The following MAP6 variants were observed in gnomAD, a reference collection of about 807,000 sequenced individuals.
MAP6 encodes microtubule associated protein 6.
A neutral mutation model predicts 42.4 loss-of-function variants in MAP6; 26 were observed. The observed-to-expected ratio is 0.61, with a 90% CI of 0.45 to 0.85. The LOEUF is 0.85. MAP6 is among the 40% of genes least tolerant of loss of function. The pLI is 0.00. For missense variants in MAP6, 966 were observed against 1,099.0 expected, an observed-to-expected ratio of 0.88 and a Z score of 1.71; for synonymous variants, 418 against 443.8, an observed-to-expected ratio of 0.94 and a Z score of 0.73.
chr11:75,639,146 G>C (rs1300328746), intron 1 of MAP6, among the ~76,000 whole-genome samples: 2 of 152,114 alleles, frequency 1.3e-5, no homozygotes, highest in African/African-American at 4.8e-5. Flanking sequence ...AATTCAGAAG[G>C]GTGGCAGGGT....
intron 1 of MAP6, among the ~76,000 whole-genome samples, chr11:75,613,195 A>C (rs1307651484): frequency 6.6e-6 from 1 of 151,944 alleles, no homozygotes. Flanking sequence ...TAACGGAAGT[A>C]GCTATTGTTA....
Position 75,587,776 on chromosome 11 carries a change from A to C in MAP6, c.1725T>G (p.Pro575=). 1 of 1,613,384 alleles carries C rather than the reference A, an allele frequency of 6.2e-7. No individual in the cohort carries two copies. Among genetic ancestry groups the C allele is most frequent in the Non-Finnish European group, 8.5e-7 (1 of 1,179,478 alleles). The change falls in exon 4 of 4, where the codon CCT becomes CCG. Residue 575 remains proline (P), a synonymous_variant. Transcript: ENST00000304771. ...CATCCTTGACAGGTGCTGGGACCAT[A>C]GGAGCTTGATTCTTCACAGGCTCAG... ...RIPEPVKNQA[P]MVPAPVKDEG...
intron 1 of MAP6, among the ~76,000 whole-genome samples, chr11:75,636,623 C>T (rs181789254): frequency 1.3e-5 from 2 of 152,216 alleles, no homozygotes; most frequent in East Asian, 3.9e-4. Context: ...TAACCATTCC[C>T]CAACCACCTC....
At position 75,608,292 on chromosome 11, in the gene MAP6, C is replaced by G. The variant is rs1159655443; in HGVS notation, c.936G>C (p.Lys312Asn). 1 of 1,614,090 alleles carries G rather than the reference C, an allele frequency of 6.2e-7. No individual in the cohort carries two copies. Among genetic ancestry groups the G allele is most frequent in the Non-Finnish European group, 8.5e-7 (1 of 1,180,044 alleles). The part of the protein sequence containing the change: ...RNEFRAWTDI[K>N]PVKPIKAKPQ... ...GCTTGGCCTTTATTGGTTTCACAGG[C>G]TTGATGTCCGTCCATGCCCTGAATT... Residue 312 changes from lysine to asparagine, a missense_variant, in exon 2 of 4, where the codon AAG (lysine) becomes AAC (asparagine). Around this residue, in one of 2 missense-constraint regions of MAP6, gnomAD observed 943 missense variants for 1,049.9 expected, o/e 0.90. Coordinates refer to ENST00000304771, the MANE Select transcript of MAP6 (RefSeq NM_033063.2).
intron 1 of MAP6, among the ~76,000 whole-genome samples, chr11:75,658,634 T>C (rs2135691936): frequency 6.6e-6 from 1 of 152,298 alleles, no homozygotes; most frequent in South Asian, 2.1e-4. Flanking sequence ...TCACCTTTTC[T>C]AAAATCTAAA....
intron 1 of MAP6, among the ~76,000 whole-genome samples, chr11:75,651,666 A>G (rs1016821003): frequency 6.6e-6 from 1 of 152,188 alleles, no homozygotes; most frequent in Non-Finnish European, 1.5e-5. Flanking sequence ...CTGGTTATCC[A>G]TTATATATAA....
At chr11:75,655,806 C>A (rs2135686407) in intron 1 of MAP6, among the ~76,000 whole-genome samples, 1 of 152,348 alleles carries the variant, frequency 6.6e-6, no homozygotes, top group African/African-American at 2.4e-5. Flanking sequence ...TGGAGCTGCA[C>A]AAGCAAGACA....
intron 1 of MAP6, among the ~76,000 whole-genome samples, chr11:75,647,347 C>CAAAAAAAAAAAAAAAAAAACCCACAAAAA (rs1943571668): frequency 2.3e-5 from 1 of 44,184 alleles, no homozygotes; most frequent in Non-Finnish European, 4.3e-5. Context: ...CCCACCTGAT[C>CAAAAAAAAAAAAAAAAAAACCCACAAAAA]AAAAAAAAAA....
chr11:75,601,895 C>T (rs894227792), intron 3 of MAP6, among the ~76,000 whole-genome samples: 2 of 150,510 alleles, frequency 1.3e-5, no homozygotes, highest in Non-Finnish European at 3.0e-5. Flanking sequence ...CTCTGTTCAC[C>T]TGGTCAACAC....
intron 1 of MAP6, among the ~76,000 whole-genome samples, chr11:75,657,174 G>A (rs1282991383): frequency 6.7e-6 from 1 of 149,654 alleles, no homozygotes; most frequent in Admixed American, 6.7e-5. Flanking sequence ...GCAGTGGCAC[G>A]ATCTTGGTTC....
chr11:75,615,741 A>G (rs1192245428), intron 1 of MAP6, among the ~76,000 whole-genome samples: 1 of 152,208 alleles, frequency 6.6e-6, no homozygotes, highest in South Asian at 2.1e-4. Flanking sequence ...GTAGCATTCA[A>G]TGAATGCCTG....
chr11:75,665,931 G>A (rs1943938761), intron 1 of MAP6, among the ~76,000 whole-genome samples: 1 of 152,146 alleles, frequency 6.6e-6, no homozygotes, highest in Non-Finnish European at 1.5e-5. Flanking sequence ...GCAGGGGTAG[G>A]AGTTGGGGGA....
chr11:75,642,824 A>T, intron 1 of MAP6: 1 of 453,956 alleles, frequency 2.2e-6, no homozygotes, highest in South Asian at 1.7e-5. Flanking sequence ...CCGCAGACCT[A>T]GGCATGGATT....
chr11:75,603,521 A>G (rs1565256671), intron 3 of MAP6: 1 of 980,676 alleles, frequency 1.0e-6, no homozygotes, highest in Non-Finnish European at 1.2e-6. Context: ...GGATACTGAC[A>G]GGTTGAAAAA....
intron 1 of MAP6, among the ~76,000 whole-genome samples, chr11:75,664,798 A>G (rs1000750232): frequency 6.6e-6 from 1 of 152,180 alleles, no homozygotes. Flanking sequence ...TTTTCTTTAC[A>G]GTGTATTTAA....
chr11:75,609,300 G>A (rs923272522), intron 1 of MAP6, among the ~76,000 whole-genome samples: 3 of 152,192 alleles, frequency 2.0e-5, no homozygotes, highest in Non-Finnish European at 4.4e-5. Flanking sequence ...GGCTTCTGGG[G>A]TCTTTATTGG....
At chr11:75,595,290 C>T (rs999771745) in intron 3 of MAP6, among the ~76,000 whole-genome samples, 1 of 152,192 alleles carries the variant, frequency 6.6e-6, no homozygotes, top group Non-Finnish European at 1.5e-5. Context: ...CCAGGGCCAC[C>T]CTTTTAGTGA....
intron 1 of MAP6, among the ~76,000 whole-genome samples, chr11:75,641,647 A>G (rs1054723211): frequency 6.6e-6 from 1 of 152,198 alleles, no homozygotes; most frequent in Non-Finnish European, 1.5e-5. Flanking sequence ...CTCAGACTTT[A>G]AAATGCTGAT....
At chr11:75,653,092 G>A (rs911633089) in intron 1 of MAP6, among the ~76,000 whole-genome samples, 1 of 152,016 alleles carries the variant, frequency 6.6e-6, no homozygotes, top group Non-Finnish European at 1.5e-5. Flanking sequence ...TTAATCCGGT[G>A]GCTCACTCAA....
Sources: allele counts gnomAD v4.1 joint callset (sites outside exome capture counted in the v4.1 genomes callset), GRCh38; gene constraint gnomAD v4.1.1; regional missense constraint gnomAD v4.1.1; transcripts MANE v1.5; gene names NCBI Gene and HGNC (gene_info 2026-07-23, HGNC 2026-07-21).